The following CSRNP3 variants were observed in gnomAD, a reference collection of about 807,000 sequenced individuals.
The protein encoded by CSRNP3 is cysteine/serine-rich nuclear protein 3.
Under a neutral mutation model 48.0 loss-of-function variants are expected in CSRNP3, and 12 were observed. The ratio of observed to expected loss-of-function variants is 0.25; its 90% confidence interval spans 0.16 to 0.41. CSRNP3 has a LOEUF of 0.41. Among genes scored for constraint, CSRNP3 ranks in the 10% least tolerant of loss-of-function variants. The pLI, the probability that CSRNP3 is intolerant of heterozygous loss-of-function variation, is 1.00. For missense variants in CSRNP3, 580 were observed against 724.4 expected (o/e 0.80, Z 2.29); for synonymous variants, 263 against 269.7 (o/e 0.98, Z 0.24).
chr2:165,596,196 G>A (rs560539474), intron 4 of CSRNP3, among the ~76,000 whole-genome samples: 11 of 149,628 alleles, frequency 7.4e-5, no homozygotes, highest in Non-Finnish European at 1.5e-4. Context: ...ACAAGATAAA[G>A]GGAGGTTTGA....
At chr2:165,666,956 A>AAGAAAGAGAGAGAGAG in intron 5 of CSRNP3, among the ~76,000 whole-genome samples, 1 of 32,090 alleles carries the variant, frequency 3.1e-5, no homozygotes, top group Non-Finnish European at 7.4e-5. Flanking sequence ...GAGAGAGAGG[A>AAGAAAGAGAGAGAGAG]AGGAAGGAAG....
intron 3 of CSRNP3, among the ~76,000 whole-genome samples, chr2:165,523,004 C>T (rs1684683745): frequency 6.6e-6 from 1 of 152,282 alleles, no homozygotes; most frequent in Middle Eastern, 3.4e-3. Context: ...GTTCATTACC[C>T]CACTCAAGCC....
At chr2:165,675,952 C>A (rs1029634230) in intron 5 of CSRNP3, among the ~76,000 whole-genome samples, 2 of 152,204 alleles carry the variant, frequency 1.3e-5, no homozygotes, top group African/African-American at 4.8e-5. Context: ...TTTATTCCAA[C>A]ATTGGAGCTG....
At chr2:165,498,784 G>T (rs957438856) in intron 2 of CSRNP3, among the ~76,000 whole-genome samples, 4 of 152,058 alleles carry the variant, frequency 2.6e-5, no homozygotes, top group African/African-American at 9.7e-5. Flanking sequence ...TCGTTTGAAG[G>T]ATATGGCTTT....
At chr2:165,579,196 C>T (rs774005092) in intron 3 of CSRNP3, among the ~76,000 whole-genome samples, 23 of 152,058 alleles carry the variant, frequency 1.5e-4, no homozygotes, top group Non-Finnish European at 2.4e-4. Flanking sequence ...AAAATAGAAA[C>T]CTGCCAGGAT....
intron 1 of CSRNP3, among the ~76,000 whole-genome samples, chr2:165,493,692 A>C (rs1236716296): frequency 6.6e-6 from 1 of 152,096 alleles, no homozygotes; most frequent in Non-Finnish European, 1.5e-5. Context: ...TGGCCTGAGC[A>C]TGCTTTCTCT....
chr2:165,582,981 T>G (rs1249515080), intron 3 of CSRNP3, among the ~76,000 whole-genome samples: 1 of 152,152 alleles, frequency 6.6e-6, no homozygotes, highest in East Asian at 1.9e-4. Context: ...TAGCCAGGAG[T>G]GCTCCCAGGG....
intron 4 of CSRNP3, among the ~76,000 whole-genome samples, chr2:165,630,419 GCC>G (rs1686516769): frequency 1.3e-5 from 2 of 151,904 alleles, no homozygotes; most frequent in African/African-American, 4.8e-5. Flanking sequence ...CATTTATAAT[GCC>G]TTCTCTTTGA....
At position 165,688,519 on chromosome 2, in the gene CSRNP3, T is replaced by C. The variant is rs1687667345; in HGVS notation, c.*8766T>C. On this transcript the variant is annotated 3_prime_UTR_variant, in exon 7 of 7. Coordinates refer to ENST00000651982, the MANE Select transcript of CSRNP3 (RefSeq NM_001172173.2). ...TTTCCCATTTTAAAAATATGTATAATTGGTTGCATAGACATATGTCACTTT... is the reference window on the plus strand; with the variant it reads ...TTTCCCATTTTAAAAATATGTATAACTGGTTGCATAGACATATGTCACTTT... 1 of 152,222 alleles carries C rather than the reference T, an allele frequency of 6.6e-6. No individual in the cohort carries two copies. The highest frequency in any genetic ancestry group is 6.6e-5 in the Admixed American group (1 of 15,262). 9.4% of individuals were successfully genotyped at this position (152,222 alleles called of 1,614,324 possible). A position where few individuals can be genotyped will look rare whatever the true frequency, so the allele number is the denominator to read the frequency against.
rs1265010300 is a variant in CSRNP3, at chr2:165,676,356, T to G, written c.453T>G (p.Leu151=). The G allele has an allele frequency of 6.2e-7, 1 of 1,614,082 alleles. No individual in the cohort carries two copies. Among genetic ancestry groups the G allele is most frequent in the African/African-American group, 1.3e-5 (1 of 75,038 alleles). The change falls in exon 6 of 7, where the codon CTT becomes CTG. Residue 151 remains leucine (L), a synonymous_variant. Coordinates refer to ENST00000651982, the MANE Select transcript of CSRNP3 (RefSeq NM_001172173.2). ...TAGAATCAGAAGAAGCCAGCACTCT[T>G]ACACTGGATGACATTTCTGATGATG... ...GTVESEEAST[L]TLDDISDDDI...
At chr2:165,608,239 GAC>G (rs1290485019) in intron 4 of CSRNP3, among the ~76,000 whole-genome samples, 2 of 151,940 alleles carry the variant, frequency 1.3e-5, no homozygotes, top group Non-Finnish European at 2.9e-5. Flanking sequence ...CTGTGGAAAA[GAC>G]AGTTTAAAAA....
chr2:165,506,764 A>C (rs1027712179), intron 2 of CSRNP3, among the ~76,000 whole-genome samples: 1 of 152,012 alleles, frequency 6.6e-6, no homozygotes, highest in East Asian at 1.9e-4. Flanking sequence ...CACGAACTCT[A>C]TTTTCTAAAC....
chr2:165,527,188 C>T lies in CSRNP3; in HGVS notation c.-24+9227C>T, dbSNP rs77628865. ...TATGAAAACCACACTTAAAGTATGACGCTGTTTGTACTTTTTTTTTTTTTT... is the reference window on the plus strand; with the variant it reads ...TATGAAAACCACACTTAAAGTATGATGCTGTTTGTACTTTTTTTTTTTTTT... On this transcript the variant is annotated intron_variant, in intron 3 of 6. Coordinates refer to ENST00000651982, the MANE Select transcript of CSRNP3 (RefSeq NM_001172173.2). 8.3e-3 allele frequency among the ~76,000 whole-genome samples: 1,223 copies of T among 147,172 alleles called. 17 individuals are homozygous for T. Among genetic ancestry groups the T allele is most frequent in the African/African-American group, 0.029 (1,157 of 39,964 alleles).
At chr2:165,490,454 A>C (rs1410054739) in intron 1 of CSRNP3, among the ~76,000 whole-genome samples, 2 of 127,518 alleles carry the variant, frequency 1.6e-5, no homozygotes, top group South Asian at 2.7e-4. Flanking sequence ...ACTACTTTAA[A>C]GTTCATATGG....
intron 3 of CSRNP3, among the ~76,000 whole-genome samples, chr2:165,572,073 T>G (rs1685381244): frequency 6.6e-6 from 1 of 152,174 alleles, no homozygotes; most frequent in South Asian, 2.1e-4. Flanking sequence ...CAAGTTCTCC[T>G]TCCTTAAATT....
chr2:165,529,105 C>T (rs1037794933), intron 3 of CSRNP3, among the ~76,000 whole-genome samples: 2 of 152,200 alleles, frequency 1.3e-5, no homozygotes, highest in Non-Finnish European at 2.9e-5. Context: ...TGCCTGCTCC[C>T]ACTGCTTGGC....
At chr2:165,624,522 T>A (rs1158476948) in intron 4 of CSRNP3, among the ~76,000 whole-genome samples, 1 of 152,236 alleles carries the variant, frequency 6.6e-6, no homozygotes, top group Non-Finnish European at 1.5e-5. Flanking sequence ...TGAGGTACCC[T>A]GGTACCTACA....
chr2:165,629,098 C>G (rs1400264093), intron 4 of CSRNP3, among the ~76,000 whole-genome samples: 1 of 152,124 alleles, frequency 6.6e-6, no homozygotes, highest in African/African-American at 2.4e-5. Flanking sequence ...CACTACAAAT[C>G]AGGGTAAGAG....
intron 5 of CSRNP3, 25 bp downstream of exon 5, chr2:165,658,045 A>G: frequency 6.2e-7 from 1 of 1,600,036 alleles, no homozygotes; most frequent in East Asian, 2.2e-5. Context: ...CATTTTCTGC[A>G]AAGTCTCATA....
Sources: allele counts gnomAD v4.1 joint callset (sites outside exome capture counted in the v4.1 genomes callset), GRCh38; gene constraint gnomAD v4.1.1; transcripts MANE v1.5; gene names NCBI Gene and HGNC (gene_info 2026-07-23, HGNC 2026-07-21).